GALNS: variants seen among roughly 807,000 people sequenced by gnomAD.
GALNS encodes galactosamine (N-acetyl)-6-sulfatase.
In GALNS, 65 loss-of-function variants were observed where a neutral mutation model predicts 65.9. The ratio of observed to expected loss-of-function variants is 0.99; its 90% confidence interval spans 0.81 to 1.21. The LOEUF is 1.21. Ranked by LOEUF, GALNS falls within the 50% of genes most tolerant of loss-of-function variation. The pLI is 0.00. For synonymous variants in GALNS, 346 were observed against 288.9 expected (o/e 1.20, Z -2.00); for missense variants, 776 against 700.7 (o/e 1.11, Z -1.21).
At chr16:88,840,003 C>T (rs1375614615) in intron 4 of GALNS, among the ~76,000 whole-genome samples, 3 of 152,228 alleles carry the variant, frequency 2.0e-5, no homozygotes, top group African/African-American at 7.2e-5. Context: ...GGCTGACTTC[C>T]GCCATGGCCC....
chr16:88,846,381 G>A (rs1043980204), intron 1 of GALNS, among the ~76,000 whole-genome samples: 25 of 152,240 alleles, frequency 1.6e-4, no homozygotes, highest in Admixed American at 1.2e-3. Context: ...CATGGGCTCC[G>A]GACGGCTGGG....
chr16:88,847,432 C>T (rs954507818), intron 1 of GALNS, among the ~76,000 whole-genome samples: 2 of 152,234 alleles, frequency 1.3e-5, no homozygotes, highest in African/African-American at 4.8e-5. Context: ...CAGCCTCCTC[C>T]TGTCACAAGT....
intron 12 of GALNS, among the ~76,000 whole-genome samples, chr16:88,821,386 C>A (rs1203761151): frequency 2.0e-5 from 3 of 152,190 alleles, no homozygotes; most frequent in Non-Finnish European, 4.4e-5. Flanking sequence ...GCCACCCGTG[C>A]CTTAATCACA....
intron 9 of GALNS, among the ~76,000 whole-genome samples, chr16:88,827,367 G>A (rs1349600996): frequency 2.0e-5 from 3 of 152,208 alleles, no homozygotes; most frequent in African/African-American, 7.2e-5. Context: ...CTTGACCTCC[G>A]GAGGGCGTGG....
In GALNS at chr16:88,827,014, G is replaced by C. The variant is rs143455669; in HGVS notation, c.1003-176C>G. 6.4e-4 allele frequency: 474 copies of C among 745,870 alleles called. 11 individuals are homozygous for C. The East Asian group carries it at 0.013, about 20-fold the overall frequency. The allele number at this position is 745,870 out of a possible 1,614,324, so 46.2% of individuals were successfully genotyped here. A position where few individuals can be genotyped will look rare whatever the true frequency, so the allele number is the denominator to read the frequency against. On this transcript the variant is annotated intron_variant, in intron 9 of 13. Transcript: ENST00000268695. ...GTCACAAGGCCTGTGAGAGACAGAGGAGCCTCAAACCAGGCCCAAAGACCC... is the reference window on the plus strand; with the variant it reads ...GTCACAAGGCCTGTGAGAGACAGAGCAGCCTCAAACCAGGCCCAAAGACCC...
intron 12 of GALNS, among the ~76,000 whole-genome samples, chr16:88,818,597 C>T (rs1339943212): frequency 1.3e-5 from 2 of 152,196 alleles, no homozygotes; most frequent in African/African-American, 2.4e-5. Context: ...ATGCAAGCTG[C>T]GGAGTGTTTG....
At chr16:88,827,197 G>A (rs1370000901) in intron 9 of GALNS, 2 of 345,792 alleles carry the variant, frequency 5.8e-6, no homozygotes, top group African/African-American at 4.1e-5. Context: ...AGGCCACTGT[G>A]AGCCCTGCCC....
In GALNS at chr16:88,814,481, T is replaced by C. The variant is rs74675152; in HGVS notation, c.1527A>G (p.Thr509=). ...PGCEKLGKCL[T]PPESIPKKCL... The stretch of plus-strand genomic sequence containing the variant: ...ACTTCTTGGGAATGGATTCTGGAGG[T>C]GTCAGACACTTCCCTAACTTTTCAC... Residue 509 remains threonine, a synonymous_variant, in exon 14 of 14, where the codon ACA becomes ACG. Transcript: ENST00000268695. 8.3e-6 allele frequency: 13 copies of C among 1,562,968 alleles called. No individual in the cohort carries two copies. Among genetic ancestry groups the C allele is most frequent in the Non-Finnish European group, 1.1e-5 (13 of 1,153,116 alleles).
intron 10 of GALNS, among the ~76,000 whole-genome samples, chr16:88,826,184 CA>C: frequency 1.5e-5 from 1 of 64,790 alleles, no homozygotes; most frequent in Non-Finnish European, 2.9e-5. Context: ...AGACAGGGAA[CA>C]GGGGTGGGGC....
chr16:88,835,285 G>A lies in GALNS; in HGVS notation c.826C>T (p.His276Tyr). The A allele has an allele frequency of 1.2e-6, 2 of 1,613,160 alleles. No individual in the cohort carries two copies. Among genetic ancestry groups the A allele is most frequent in the East Asian group, 2.2e-5 (1 of 44,876 alleles). The change falls in exon 8 of 14, where the codon CAC becomes TAC. Residue 276 changes from histidine (H) to tyrosine (Y), a missense_variant. By Grantham distance (83) the His-to-Tyr change is moderately conservative. Transcript: ENST00000268695. ...AAGACGAAGGTGTTGTCCGCGACGT[G>A]CAGGTCTTGGAGGAGCTCCAGTATC... ...GKILELLQDL[H>Y]VADNTFVFFT... is the part of the protein sequence containing the mutation.
chr16:88,851,925 A>G (rs1967526502), intron 1 of GALNS, among the ~76,000 whole-genome samples: 1 of 152,250 alleles, frequency 6.6e-6, no homozygotes, highest in African/African-American at 2.4e-5. Context: ...CACCTCTAGG[A>G]GCAGGGAATA....
At chr16:88,843,829 C>G (rs1252364386) in intron 1 of GALNS, 1 of 153,296 alleles carries the variant, frequency 6.5e-6, no homozygotes, top group Non-Finnish European at 1.5e-5. Flanking sequence ...ACCCAACCAT[C>G]GAAAGGAAGG....
At chr16:88,842,420 G>C in intron 2 of GALNS, 1 of 546,588 alleles carries the variant, frequency 1.8e-6, no homozygotes, top group East Asian at 3.2e-5. Context: ...CCACACTGCA[G>C]CACCTCTCCC....
chr16:88,843,255 A>G (rs2143005822), intron 1 of GALNS: 1 of 1,266,882 alleles, frequency 7.9e-7, no homozygotes, highest in South Asian at 1.3e-5. Context: ...CTAGATTTCA[A>G]AGTCAACTGG....
At chr16:88,856,725 C>T (rs907629216) in intron 1 of GALNS, 33 bp downstream of exon 1, 6 of 1,224,256 alleles carry the variant, frequency 4.9e-6, no homozygotes, top group Non-Finnish European at 6.7e-6. Flanking sequence ...CCGCCCCACC[C>T]CGGCCCTGCC....
Position 88,835,262 on chromosome 16 carries a change from G to A in GALNS, c.849C>T (p.Val283=), listed in dbSNP as rs774605848. The part of the protein sequence containing the change: ...QDLHVADNTF[V]FFTSDNGAAL... The stretch of plus-strand genomic sequence containing the variant: ...CAGCGCCGTTGTCCGACGTGAAGAA[G>A]ACGAAGGTGTTGTCCGCGACGTGCA... Residue 283 remains valine, a synonymous_variant, in exon 8 of 14, where the codon GTC becomes GTT. Coordinates refer to ENST00000268695, the MANE Select transcript of GALNS (RefSeq NM_000512.5). The A allele has an allele frequency of 5.0e-6, 8 of 1,610,318 alleles. No homozygotes were observed. Among genetic ancestry groups the A allele is most frequent in the Non-Finnish European group, 2.5e-6 (3 of 1,178,266 alleles).
rs528788279 is a variant in GALNS at position 88,844,340 on chromosome 16, T to C, written c.121-1511A>G. The C allele has an allele frequency of 3.3e-5, 5 of 152,276 alleles. No individual in the cohort carries two copies. In the East Asian group the frequency reaches 7.7e-4, roughly 24 times the overall value. 9.4% of individuals were successfully genotyped at this position (152,276 alleles called of 1,614,324 possible). ...ACTTCTTCAAATTTTACAGTGTGTA[T>C]TGTTGGAAAAAAGTGCTTTTAAACA... On this transcript the variant is annotated intron_variant, in intron 1 of 13. Coordinates refer to ENST00000268695, the MANE Select transcript of GALNS (RefSeq NM_000512.5).
intron 1 of GALNS, chr16:88,855,130 C>A: frequency 1.8e-6 from 1 of 552,006 alleles, no homozygotes; most frequent in Non-Finnish European, 3.4e-6. Context: ...AGGTGAAATA[C>A]AGACTAACTT....
At chr16:88,815,282 G>A (rs1909506607) in intron 13 of GALNS, 2 of 985,482 alleles carry the variant, frequency 2.0e-6, no homozygotes, top group South Asian at 9.4e-5. Context: ...GGCCTCCGAG[G>A]GCCAGCAGTG....
Sources: allele counts gnomAD v4.1 joint callset (sites outside exome capture counted in the v4.1 genomes callset), GRCh38; gene constraint gnomAD v4.1.1; transcripts MANE v1.5; gene names NCBI Gene and HGNC (gene_info 2026-07-23, HGNC 2026-07-21).